Variants in FGFR2 observed in about 807,000 individuals in gnomAD.
FGFR2 encodes the protein BEK fibroblast growth factor receptor.
Under a neutral mutation model 95.9 loss-of-function variants are expected in FGFR2, and 19 were observed. The ratio of observed to expected loss-of-function variants is 0.20; its 90% CI spans 0.14 to 0.29. FGFR2 has a LOEUF of 0.29. FGFR2 is among the 10% of genes least tolerant of loss of function. The pLI, the probability that FGFR2 is intolerant of heterozygous loss-of-function variation, is 1.00. For synonymous variants in FGFR2, 392 were observed against 393.3 expected, an observed-to-expected ratio of 1.00 and a Z score of 0.04; for missense variants, 707 against 1,056.9, an observed-to-expected ratio of 0.67 and a Z score of 4.59.
intron 2 of FGFR2, among the ~76,000 whole-genome samples, chr10:121,573,723 T>C (rs565663650): frequency 3.0e-4 from 46 of 152,034 alleles, no homozygotes; most frequent in Non-Finnish European, 2.1e-4. Context: ...CCGGGAGGCA[T>C]GTCCTGTCAG....
chr10:121,571,425 A>C (rs1858703201), intron 2 of FGFR2, among the ~76,000 whole-genome samples: 1 of 148,892 alleles, frequency 6.7e-6, no homozygotes, highest in Admixed American at 6.8e-5. Context: ...CAGCCTCTGG[A>C]GTAATGGGAT....
At chr10:121,549,087 C>T (rs887876075) in intron 5 of FGFR2, among the ~76,000 whole-genome samples, 1 of 152,188 alleles carries the variant, frequency 6.6e-6, no homozygotes, top group Non-Finnish European at 1.5e-5. Flanking sequence ...TGCCTCATAA[C>T]TGTTTCACAT....
In FGFR2 at chr10:121,518,660, A is replaced by G; in HGVS notation, c.940-1197T>C. The G allele has an allele frequency of 1.2e-6, 2 of 1,614,138 alleles. No individual in the cohort carries two copies. The highest frequency in any genetic ancestry group is 1.7e-6 in the Non-Finnish European group (2 of 1,180,030). On this transcript the variant is annotated intron_variant, in intron 7 of 17. Transcript: ENST00000358487. The surrounding 1 kb of genome is among the most constrained non-coding windows in gnomAD (Gnocchi z 4.0). ...TATCCAGCTTTCTTTTTAAAAAAAG[A>G]CAAAAATGAAAGCATTGTTACCTTG...
At chr10:121,491,095 G>C (rs1846070267) in intron 13 of FGFR2, among the ~76,000 whole-genome samples, 1 of 152,208 alleles carries the variant, frequency 6.6e-6, no homozygotes, top group African/African-American at 2.4e-5. Context: ...GTGGTCAGAA[G>C]AATGTGCTTC....
chr10:121,551,262 A>G, intron 5 of FGFR2, 28 bp downstream of exon 5: 1 of 1,611,880 alleles, frequency 6.2e-7, no homozygotes, highest in African/African-American at 1.3e-5. Context: ...AATGTAAGAA[A>G]TGTGATGTTC....
chr10:121,552,924 G>C (rs1855598314), intron 4 of FGFR2, among the ~76,000 whole-genome samples: 1 of 152,146 alleles, frequency 6.6e-6, no homozygotes, highest in Non-Finnish European at 1.5e-5. Context: ...CCTAGGCAGG[G>C]GCTTTGTCTC....
chr10:121,484,513 G>A (rs187240355), intron 16 of FGFR2, among the ~76,000 whole-genome samples: 1 of 152,128 alleles, frequency 6.6e-6, no homozygotes, highest in African/African-American at 2.4e-5. Flanking sequence ...GACATCCACG[G>A]TACACCGAAA....
At chr10:121,575,415 G>GA (rs1859565381) in intron 2 of FGFR2, among the ~76,000 whole-genome samples, 3 of 152,082 alleles carry the variant, frequency 2.0e-5, no homozygotes, top group Non-Finnish European at 4.4e-5. Flanking sequence ...ACAGAGGGAA[G>GA]GTTTTCTCTC....
chr10:121,594,664 G>T (rs991502562), intron 1 of FGFR2, among the ~76,000 whole-genome samples: 1 of 152,230 alleles, frequency 6.6e-6, no homozygotes, highest in Non-Finnish European at 1.5e-5. Context: ...CAACGCAGCT[G>T]ATCCAAAAAG....
At position 121,536,028 on chromosome 10, in the gene FGFR2, T is replaced by C. The variant is rs185468587; in HGVS notation, c.748+2564A>G. On this transcript the variant is annotated intron_variant, in intron 6 of 17. Transcript: ENST00000358487. ...GGACTTCGCTTTCACTGGGAAAGGG[T>C]TTCTGATTTTCTGTGAAACAGAGAG... is the stretch of plus-strand genomic sequence containing the variant. Among the ~76,000 whole-genome samples, 15 of 152,200 alleles carry C rather than the reference T, an allele frequency of 9.9e-5. No homozygotes were observed. The East Asian group carries it at 2.3e-3, about 24-fold the overall frequency.
intron 16 of FGFR2, among the ~76,000 whole-genome samples, chr10:121,484,102 C>A (rs1845107037): frequency 6.6e-6 from 1 of 151,986 alleles, no homozygotes; most frequent in Non-Finnish European, 1.5e-5. Flanking sequence ...GGCGTCACAC[C>A]CTAAAGATGC....
intron 6 of FGFR2, among the ~76,000 whole-genome samples, chr10:121,523,615 A>G (rs920122999): frequency 6.6e-6 from 1 of 152,174 alleles, no homozygotes; most frequent in African/African-American, 2.4e-5. Flanking sequence ...GCACCTAGCA[A>G]ATAGTAAGAA....
chr10:121,569,899 A>G (rs567910801), intron 2 of FGFR2, among the ~76,000 whole-genome samples: 1 of 152,326 alleles, frequency 6.6e-6, no homozygotes, highest in Non-Finnish European at 1.5e-5. Context: ...ATCCCAGAAG[A>G]CTCTGCAAGC....
At chr10:121,592,488 C>A (rs1461682278) in intron 2 of FGFR2, among the ~76,000 whole-genome samples, 3 of 152,126 alleles carry the variant, frequency 2.0e-5, no homozygotes, top group Non-Finnish European at 4.4e-5. Context: ...GAAAAGTTCC[C>A]CAGTCTCACA....
intron 2 of FGFR2, among the ~76,000 whole-genome samples, chr10:121,578,749 A>G (rs1192302798): frequency 6.6e-6 from 1 of 152,184 alleles, no homozygotes; most frequent in African/African-American, 2.4e-5. Flanking sequence ...GTCTCTACTA[A>G]AAATGCAAAA....
At chr10:121,519,925 A>G (rs2134304871) in intron 7 of FGFR2, 54 bp downstream of exon 7, 1 of 1,575,482 alleles carries the variant, frequency 6.3e-7, no homozygotes, top group Non-Finnish European at 8.7e-7. Context: ...CCTGTGGCCA[A>G]ACCCATGAAG....
At chr10:121,494,894 C>T (rs1364356302) in intron 13 of FGFR2, among the ~76,000 whole-genome samples, 1 of 152,158 alleles carries the variant, frequency 6.6e-6, no homozygotes, top group Non-Finnish European at 1.5e-5. Flanking sequence ...TAATATTATA[C>T]AGTCCATATT....
At chr10:121,588,681 T>C (rs545948458) in intron 2 of FGFR2, among the ~76,000 whole-genome samples, 1 of 118,466 alleles carries the variant, frequency 8.4e-6, no homozygotes, top group Non-Finnish European at 1.8e-5. Flanking sequence ...CCCAGCACTT[T>C]GGGAGGCCAA....
In FGFR2 at chr10:121,518,577, A is replaced by C; in HGVS notation, c.940-1114T>G. ...TTATTATAAATATACCAAGGCCACA[A>C]GAGTTATCCTATAAGCTGCCTGCAG... On this transcript the variant is annotated intron_variant, in intron 7 of 17. Transcript: ENST00000358487. This position sits in a 1 kb window ranked among gnomAD's most constrained non-coding sequence, Gnocchi z 4.0. 61 of 1,275,612 alleles carry C rather than the reference A, an allele frequency of 4.8e-5. No homozygotes were observed. Among genetic ancestry groups the C allele is most frequent in the Non-Finnish European group, 6.3e-5 (57 of 897,808 alleles). 79.0% of individuals were successfully genotyped at this position (1,275,612 alleles called of 1,614,324 possible).
Sources: gnomAD v4.1 joint callset for allele counts (sites outside exome capture counted in the v4.1 genomes callset) on GRCh38, gnomAD v4.1.1 for gene constraint, Gnocchi (gnomAD v3.1) non-coding constraint, MANE v1.5 for transcripts, NCBI Gene and HGNC (gene_info 2026-07-23, HGNC 2026-07-21) for gene names.